NECAP1: variants seen among roughly 807,000 people sequenced by gnomAD.
The protein encoded by NECAP1 is NECAP endocytosis associated 1.
In NECAP1, 13 loss-of-function variants were observed where a neutral mutation model predicts 33.4. The observed-to-expected ratio is 0.39, with a 90% confidence interval of 0.25 to 0.62. The LOEUF (loss-of-function observed/expected upper bound fraction) is 0.62, where lower values mean the gene tolerates loss of function less well. Among genes scored for constraint, NECAP1 ranks in the 20% least tolerant of loss-of-function variants. The pLI, the probability that NECAP1 is intolerant of heterozygous loss-of-function variation, is 0.52. For synonymous variants in NECAP1, 109 were observed against 125.2 expected (o/e 0.87, Z 0.86); for missense variants, 272 against 347.4 (o/e 0.78, Z 1.73).
chr12:8,089,760 G>C (rs1307513583), intron 1 of NECAP1, 176 bp from the exon 2 acceptor site: 1 of 599,050 alleles, frequency 1.7e-6, no homozygotes, highest in Non-Finnish European at 3.0e-6. Flanking sequence ...TCTTTTACTT[G>C]CTTTGGACTG....
chr12:8,092,084 ATGCTCTGTCGAATT>A lies in NECAP1; in HGVS notation c.383+238_383+251del, dbSNP rs1947550907. The stretch of plus-strand genomic sequence containing the variant: ...ATCCCTTGTGCAGTAGTTTGAAATG[ATGCTCTGTCGAATT>A]TGCCCCGTCTTTTAGGTGGTAGAGG... On this transcript the variant is annotated intron_variant, in intron 4 of 7. Transcript: ENST00000339754. 3 of 501,858 alleles carry A rather than the reference ATGCTCTGTCGAATT, an allele frequency of 6.0e-6. No individual in the cohort carries two copies. The South Asian group carries it at 6.6e-5, about 11-fold the overall frequency. The allele number at this position is 501,858 out of a possible 1,614,324, so 31.1% of individuals were successfully genotyped here.
chr12:8,083,181 G>A (rs920757301), intron 1 of NECAP1, among the ~76,000 whole-genome samples: 1 of 151,992 alleles, frequency 6.6e-6, no homozygotes, highest in Non-Finnish European at 1.5e-5. Context: ...GGATGCTATA[G>A]GACATTATGT....
chr12:8,082,280 G>A lies in NECAP1; in HGVS notation c.-9G>A, dbSNP rs775515874. 7 of 1,585,558 alleles carry A rather than the reference G, an allele frequency of 4.4e-6. No individual in the cohort carries two copies. Among genetic ancestry groups the A allele is most frequent in the Middle Eastern group, 3.3e-4 (2 of 5,992 alleles). On this transcript the variant is annotated 5_prime_UTR_variant, in exon 1 of 8. Coordinates refer to ENST00000339754, the MANE Select transcript of NECAP1 (RefSeq NM_015509.4). ...TTTCGCCCCCGGCAGCGCCGACAGC[G>A]GACCCAAGATGGCGACCGAGTTGGA...
At chr12:8,084,505 A>T (rs928169245) in intron 1 of NECAP1, among the ~76,000 whole-genome samples, 1 of 151,832 alleles carries the variant, frequency 6.6e-6, no homozygotes, top group Admixed American at 6.6e-5. Context: ...ATAGGTATGC[A>T]TGTGCCATGG....
intron 1 of NECAP1, among the ~76,000 whole-genome samples, chr12:8,086,835 A>G (rs538278142): frequency 6.6e-6 from 1 of 151,782 alleles, no homozygotes; most frequent in Non-Finnish European, 1.5e-5. Context: ...GCTACTCAGG[A>G]GGCTGAGGCA....
chr12:8,092,853 T>C lies in NECAP1; in HGVS notation c.493-19T>C. ...AGCCTATGACATCTTTCTCTTGCTC[T>C]TCTTTTTTTCTTTTGTAGAACATTA... On this transcript the variant is annotated intron_variant, in intron 5 of 7. Coordinates refer to ENST00000339754, the MANE Select transcript of NECAP1 (RefSeq NM_015509.4). The C allele has an allele frequency of 6.3e-7, 1 of 1,575,692 alleles. No homozygotes were observed.
intron 1 of NECAP1, among the ~76,000 whole-genome samples, chr12:8,088,328 C>G (rs986559767): frequency 6.6e-6 from 1 of 152,180 alleles, no homozygotes; most frequent in Non-Finnish European, 1.5e-5. Context: ...TCCTTCTCAT[C>G]TCAATAATTG....
Position 8,082,387 on chromosome 12 carries a change from C to G in NECAP1, c.95+4C>G, listed in dbSNP as rs1756576253. 6.2e-7 allele frequency: 1 copy of G among 1,612,980 alleles called. No individual in the cohort carries two copies. Among genetic ancestry groups the G allele is most frequent in the Admixed American group, 1.7e-5 (1 of 59,968 alleles). On this transcript the variant is annotated splice_donor_region_variant and intron_variant, in intron 1 of 7. Transcript: ENST00000339754. ...GGGCCTCCAACCGCGGTTACAGGTACTAACCCCGAGGCGCTGCCGCACACG... is the reference window on the plus strand; with the variant it reads ...GGGCCTCCAACCGCGGTTACAGGTAGTAACCCCGAGGCGCTGCCGCACACG...
chr12:8,095,881 A>G, intron 7 of NECAP1, 161 bp from the exon 8 acceptor site: 2 of 1,111,292 alleles, frequency 1.8e-6, no homozygotes, highest in South Asian at 3.0e-5. Context: ...AAGCTGTAGG[A>G]TGAGGTTTGA....
chr12:8,090,362 A>C (rs1196134926), intron 3 of NECAP1, 63 bp downstream of exon 3: 62 of 1,385,572 alleles, frequency 4.5e-5, no homozygotes, highest in Non-Finnish European at 5.8e-5. Context: ...ACAGCCATGA[A>C]AAGTGTTTCC....
At chr12:8,093,087 C>T in intron 6 of NECAP1, 32 bp downstream of exon 6, 1 of 1,593,854 alleles carries the variant, frequency 6.3e-7, no homozygotes, top group Non-Finnish European at 8.6e-7. Context: ...TTGAGAAATC[C>T]AATCTTATGT....
At chr12:8,083,730 T>G (rs1217309119) in intron 1 of NECAP1, among the ~76,000 whole-genome samples, 59 of 23,206 alleles carry the variant, frequency 2.5e-3, no homozygotes, top group African/African-American at 6.4e-3. Flanking sequence ...CCAGCCGTCG[T>G]TTTTTTTTTT....
intron 1 of NECAP1, among the ~76,000 whole-genome samples, chr12:8,085,311 C>T (rs1046140054): frequency 1.3e-5 from 2 of 152,222 alleles, no homozygotes; most frequent in Non-Finnish European, 2.9e-5. Flanking sequence ...AGCCACCGCA[C>T]CCGGCCTACT....
intron 2 of NECAP1, 78 bp downstream of exon 2, chr12:8,090,114 T>C: frequency 6.3e-7 from 1 of 1,581,062 alleles, no homozygotes. Context: ...ATTTGGGGAC[T>C]GGAATGGAAA....
chr12:8,088,886 A>G (rs1947516273), intron 1 of NECAP1: 2 of 152,122 alleles, frequency 1.3e-5, no homozygotes, highest in African/African-American at 2.4e-5. Flanking sequence ...TTTCCCCCAG[A>G]CATCTGTATG....
At chr12:8,088,988 C>T (rs142352124) in intron 1 of NECAP1, 1 of 152,346 alleles carries the variant, frequency 6.6e-6, no homozygotes, top group East Asian at 1.9e-4. Flanking sequence ...TGTTCATTCT[C>T]CCACTGTCTT....
chr12:8,085,235 G>T (rs1464341398), intron 1 of NECAP1, among the ~76,000 whole-genome samples: 2 of 152,150 alleles, frequency 1.3e-5, no homozygotes, highest in African/African-American at 4.8e-5. Flanking sequence ...GGCCAGGCTG[G>T]TCTCAAACTC....
intron 1 of NECAP1, chr12:8,089,679 G>T (rs770316471): frequency 1.1e-4 from 49 of 430,040 alleles, no homozygotes; most frequent in African/African-American, 8.6e-4. Context: ...ATTTTTTATT[G>T]CTTTTATTCG....
intron 1 of NECAP1, chr12:8,089,648 A>G (rs1947523823): frequency 3.1e-6 from 1 of 324,916 alleles, no homozygotes; most frequent in Non-Finnish European, 5.7e-6. Context: ...GGCTTGAGCC[A>G]CCATGCTCGG....
Sources: allele counts gnomAD v4.1 joint callset (sites outside exome capture counted in the v4.1 genomes callset), GRCh38; gene constraint gnomAD v4.1.1; transcripts MANE v1.5; gene names NCBI Gene and HGNC (gene_info 2026-07-23, HGNC 2026-07-21).